Variants in RGSL1 observed in about 807,000 individuals in gnomAD.
The protein encoded by RGSL1 is regulator of G protein signaling protein-like.
A neutral mutation model predicts 124.7 loss-of-function variants in RGSL1; 97 were observed. The observed-to-expected ratio is 0.78, with a 90% confidence interval of 0.66 to 0.92. RGSL1 has a LOEUF of 0.92. RGSL1 is among the 40% of genes least tolerant of loss of function. The probability of loss-of-function intolerance (pLI) is 0.00; values close to 1 mark genes in which losing one functional copy is unlikely to be tolerated. For missense variants in RGSL1, 1,233 were observed against 1,288.4 expected (o/e 0.96, Z 0.66); for synonymous variants, 424 against 438.1 (o/e 0.97, Z 0.40).
intron 19 of RGSL1, among the ~76,000 whole-genome samples, chr1:182,553,876 C>T (rs1660710364): frequency 6.6e-6 from 1 of 152,176 alleles, no homozygotes; most frequent in Non-Finnish European, 1.5e-5. Flanking sequence ...TATTAAGAGA[C>T]TATCACAGTG....
rs1654081698 is a variant in RGSL1 at position 182,474,098 on chromosome 1, C to A, written c.987C>A (p.His329Gln). ...SMENKAKSHL[H>Q]MEAPFETKVS... ...AGAATAAAGCCAAGAGCCACCTCCA[C>A]ATGGAAGCCCCCTTTGAGACAAAGG... The change falls in exon 6 of 22, where the codon CAC (histidine) becomes CAA (glutamine). Residue 329 changes from histidine to glutamine, a missense_variant. Transcript: ENST00000294854. 6.4e-7 allele frequency: 1 copy of A among 1,551,866 alleles called. No individual in the cohort carries two copies. The highest frequency in any genetic ancestry group is 8.7e-7 in the Non-Finnish European group (1 of 1,147,024).
chr1:182,533,628 C>T (rs1659343769), intron 14 of RGSL1, among the ~76,000 whole-genome samples: 2 of 152,082 alleles, frequency 1.3e-5, no homozygotes, highest in Admixed American at 1.3e-4. Flanking sequence ...AGTTGAAGGA[C>T]CTTGGGAAAA....
chr1:182,486,596 C>T (rs780132118), intron 6 of RGSL1, among the ~76,000 whole-genome samples: 2 of 152,210 alleles, frequency 1.3e-5, no homozygotes, highest in Admixed American at 6.5e-5. Context: ...GATCTGCCCA[C>T]GTCAGTCTCC....
chr1:182,517,431 G>C (rs1657984129), intron 9 of RGSL1, among the ~76,000 whole-genome samples: 1 of 107,318 alleles, frequency 9.3e-6, no homozygotes, highest in African/African-American at 3.7e-5. Flanking sequence ...GTTTTGGAAA[G>C]TTTTCAATTA....
chr1:182,496,591 T>C (rs1006536838), intron 9 of RGSL1, among the ~76,000 whole-genome samples: 2 of 152,228 alleles, frequency 1.3e-5, no homozygotes, highest in African/African-American at 4.8e-5. Context: ...TTCCCACTAC[T>C]GATACTCCTA....
intron 15 of RGSL1, 93 bp downstream of exon 15, chr1:182,540,514 A>T: frequency 9.1e-7 from 1 of 1,099,440 alleles, no homozygotes; most frequent in Non-Finnish European, 1.3e-6. Context: ...TTAGAGATAC[A>T]GTGATTTCAG....
rs1658541573 is a variant in RGSL1, at chr1:182,523,911, A to C, written c.1931+1802A>C. 2.6e-5 allele frequency among the ~76,000 whole-genome samples: 4 copies of C among 152,214 alleles called. 1 individual carries two copies. On this transcript the variant is annotated intron_variant, in intron 10 of 21. Coordinates refer to ENST00000294854, the MANE Select transcript of RGSL1 (RefSeq NM_001137669.2). ...AGAAATTTTGAGTGAGGATCAGGAA[A>C]ATTAGAATATCAGAAGATGCTCAGA...
chr1:182,543,705 A>G (rs1008588302), intron 15 of RGSL1, among the ~76,000 whole-genome samples: 1 of 152,046 alleles, frequency 6.6e-6, no homozygotes. Flanking sequence ...TATGGCTTCA[A>G]TCTTGTTACT....
intron 10 of RGSL1, among the ~76,000 whole-genome samples, chr1:182,527,045 A>G (rs1413469846): frequency 2.0e-5 from 3 of 152,192 alleles, no homozygotes; most frequent in South Asian, 2.1e-4. Flanking sequence ...GTTTTGCTAT[A>G]TTAATAAAAT....
At chr1:182,522,572 C>T (rs1658427361) in intron 10 of RGSL1, among the ~76,000 whole-genome samples, 2 of 152,168 alleles carry the variant, frequency 1.3e-5, no homozygotes, top group African/African-American at 4.8e-5. Flanking sequence ...ATCTGAGAAT[C>T]AAACTCTGGT....
At position 182,556,170 on chromosome 1, in the gene RGSL1, C is replaced by T; in HGVS notation, c.*113C>T. On this transcript the variant is annotated 3_prime_UTR_variant, in exon 21 of 22. Coordinates refer to ENST00000294854, the MANE Select transcript of RGSL1 (RefSeq NM_001137669.2). ...TGGTACCATCTTCCCCAGAAACGAT[C>T]AAGAAGGGCAATGGGTTGACAGCCC... 9.4e-7 allele frequency: 1 copy of T among 1,059,948 alleles called. No homozygotes were observed. Among genetic ancestry groups the T allele is most frequent in the Non-Finnish European group, 1.4e-6 (1 of 728,054 alleles). The allele number at this position is 1,059,948 out of a possible 1,614,324, so 65.7% of individuals were successfully genotyped here.
At chr1:182,539,397 C>T (rs1031497303) in intron 14 of RGSL1, among the ~76,000 whole-genome samples, 2 of 152,212 alleles carry the variant, frequency 1.3e-5, no homozygotes, top group East Asian at 3.9e-4. Flanking sequence ...ATGACAAGTG[C>T]TAGGTATTTA....
chr1:182,518,702 G>A (rs1658091242), intron 9 of RGSL1, among the ~76,000 whole-genome samples: 1 of 152,178 alleles, frequency 6.6e-6, no homozygotes, highest in South Asian at 2.1e-4. Context: ...TCCATGCACT[G>A]TTGCTGGGCA....
intron 9 of RGSL1, among the ~76,000 whole-genome samples, chr1:182,496,408 C>T (rs1655916236): frequency 6.6e-6 from 1 of 152,166 alleles, no homozygotes; most frequent in Non-Finnish European, 1.5e-5. Context: ...TGTCTGTATG[C>T]TCACTTGATA....
chr1:182,559,666 G>A lies in RGSL1; in HGVS notation c.*166-613G>A, dbSNP rs181347766. On this transcript the variant is annotated intron_variant, in intron 21 of 21. Transcript: ENST00000294854. Reference sequence around the variant, plus strand: ...TCTCACTCCTTTGTGGGACATACAAGGCCATTGCTAATATGGCCTCAGTTC... The same window carrying A: ...TCTCACTCCTTTGTGGGACATACAAAGCCATTGCTAATATGGCCTCAGTTC... Among the ~76,000 whole-genome samples the A allele has an allele frequency of 1.6e-4, 24 of 152,282 alleles. 3 individuals carry two copies. Among genetic ancestry groups the A allele is most frequent in the African/African-American group, 5.5e-4 (23 of 41,570 alleles).
At chr1:182,451,143 CAAAA>C (rs569488586) in intron 1 of RGSL1, among the ~76,000 whole-genome samples, 15 of 105,046 alleles carry the variant, frequency 1.4e-4, no homozygotes, top group Admixed American at 3.4e-4. Context: ...GAGACTTTGG[CAAAA>C]AAAAAAAAAA....
chr1:182,458,205 C>A, intron 2 of RGSL1, 114 bp from the exon 3 acceptor site: 2 of 692,106 alleles, frequency 2.9e-6, no homozygotes, highest in Non-Finnish European at 4.9e-6. Context: ...AATTAGTGTC[C>A]CTTGAAATAA....
rs1033791085 is a variant in RGSL1 at position 182,553,543 on chromosome 1, T to C, written c.3130+2T>C. 6 of 1,551,466 alleles carry C rather than the reference T, an allele frequency of 3.9e-6. No homozygotes were observed. In the African/African-American group the frequency reaches 5.5e-5, roughly 14 times the overall value. The stretch of plus-strand genomic sequence containing the variant: ...AAGCAATAAGTTCAGTTCAAAATTG[T>C]GAGTTGGAATTGGATCCCCACTGAT... On this transcript the variant is annotated splice_donor_variant, in intron 19 of 21. Transcript: ENST00000294854. LOFTEE classifies it high-confidence loss of function.
chr1:182,503,594 TG>T (rs1301209463), intron 9 of RGSL1, among the ~76,000 whole-genome samples: 2 of 24,932 alleles, frequency 8.0e-5, no homozygotes, highest in Non-Finnish European at 1.5e-4. Context: ...AATTGTGGGG[TG>T]GGGGGAGGGT....
Sources: allele counts gnomAD v4.1 joint callset (sites outside exome capture counted in the v4.1 genomes callset), GRCh38; gene constraint gnomAD v4.1.1; transcripts MANE v1.5; gene names NCBI Gene and HGNC (gene_info 2026-07-23, HGNC 2026-07-21).